The following TNPO3 variants were observed in gnomAD, a reference collection of about 807,000 sequenced individuals.
The protein encoded by TNPO3 is transportin 3, also known as transportin-3.
In TNPO3, 65 loss-of-function variants were observed where a neutral mutation model predicts 122.8. The observed-to-expected ratio is 0.53, with a 90% CI of 0.43 to 0.65. The LOEUF (loss-of-function observed/expected upper bound fraction) is 0.65, where lower values mean the gene tolerates loss of function less well. Ranked by LOEUF, TNPO3 falls within the 30% of genes least tolerant of loss-of-function variation. The pLI, the probability that TNPO3 is intolerant of heterozygous loss-of-function variation, is 0.00. For synonymous variants in TNPO3, 372 were observed against 411.2 expected (o/e 0.90, Z 1.15); for missense variants, 850 against 1,136.7 (o/e 0.75, Z 3.63).
At chr7:129,031,971 G>A (rs1322676178) in intron 1 of TNPO3, among the ~76,000 whole-genome samples, 1 of 152,132 alleles carries the variant, frequency 6.6e-6, no homozygotes, top group Non-Finnish European at 1.5e-5. Context: ...ACAGGCATGA[G>A]CCATCACGCC....
At position 128,974,874 on chromosome 7, in the gene TNPO3, G is replaced by A. The variant is rs1157844054; in HGVS notation, c.2267C>T (p.Ala756Val). 6.2e-7 allele frequency: 1 copy of A among 1,613,576 alleles called. No individual in the cohort carries two copies. The highest frequency in any genetic ancestry group is 8.5e-7 in the Non-Finnish European group (1 of 1,179,496). ...PDTVDDLFRL[A>V]TRFIQRSPVT... is the part of the protein sequence containing the mutation. ...GCTCTTCAGAAGGATTTACCTGGTG[G>A]CTAGCCGGAACAGGTCATCTACAGT... The change falls in exon 18 of 23, where the codon GCC becomes GTC. Residue 756 changes from alanine to valine, a missense_variant. Ala to Val is a moderately conservative substitution (Grantham distance 64). Transcript: ENST00000265388.
intron 20 of TNPO3, among the ~76,000 whole-genome samples, chr7:128,968,610 G>C (rs570588864): frequency 3.9e-5 from 6 of 152,076 alleles, no homozygotes; most frequent in Non-Finnish European, 5.9e-5. Flanking sequence ...TAATAGGCCA[G>C]AGCAAAAGTA....
Position 128,955,134 on chromosome 7 carries a change from G to T in TNPO3, c.*283C>A. On this transcript the variant is annotated 3_prime_UTR_variant, in exon 23 of 23. Coordinates refer to ENST00000265388, the MANE Select transcript of TNPO3 (RefSeq NM_012470.4). ...TTAAAATTATTTTTCCTTTTAGAAAGTTCACCAGGAAACCAGCTCCCCTCC... is the reference window on the plus strand; with the variant it reads ...TTAAAATTATTTTTCCTTTTAGAAATTTCACCAGGAAACCAGCTCCCCTCC... 2 of 298,552 alleles carry T rather than the reference G, an allele frequency of 6.7e-6. No individual in the cohort carries two copies. The highest frequency in any genetic ancestry group is 1.3e-5 in the Non-Finnish European group (2 of 151,126). The allele number at this position is 298,552 out of a possible 1,614,324, so 18.5% of individuals were successfully genotyped here.
chr7:128,958,346 T>C (rs1402148597), intron 21 of TNPO3, among the ~76,000 whole-genome samples: 1 of 152,096 alleles, frequency 6.6e-6, no homozygotes, highest in Non-Finnish European at 1.5e-5. Context: ...GGTTTCACCA[T>C]GTTGGCCAGG....
chr7:128,997,891 G>A (rs1301515866), intron 7 of TNPO3, among the ~76,000 whole-genome samples: 1 of 152,070 alleles, frequency 6.6e-6, no homozygotes, highest in Non-Finnish European at 1.5e-5. Flanking sequence ...CAGCTAGAGT[G>A]CAGTGGAATG....
Position 128,993,800 on chromosome 7 carries a change from G to A in TNPO3, c.1266+7C>T. ...TAAAACTGGAAACAATCTCCAAATA[G>A]GCTTACCTGAGCAAAACACTCCATA... On this transcript the variant is annotated splice_region_variant and intron_variant, in intron 9 of 22. Coordinates refer to ENST00000265388, the MANE Select transcript of TNPO3 (RefSeq NM_012470.4). The A allele has an allele frequency of 6.2e-7, 1 of 1,609,022 alleles. No individual in the cohort carries two copies. The highest frequency in any genetic ancestry group is 8.5e-7 in the Non-Finnish European group (1 of 1,177,208).
chr7:129,042,494 T>C (rs1200520851), intron 1 of TNPO3, among the ~76,000 whole-genome samples: 3 of 152,168 alleles, frequency 2.0e-5, no homozygotes, highest in Non-Finnish European at 4.4e-5. Flanking sequence ...AAAAATCATT[T>C]TCATGAGACG....
At chr7:129,022,505 G>A (rs1188071846) in intron 1 of TNPO3, among the ~76,000 whole-genome samples, 1 of 151,306 alleles carries the variant, frequency 6.6e-6, no homozygotes, top group African/African-American at 2.4e-5. Flanking sequence ...TTGGGGGGTA[G>A]GGGAGAAAGA....
chr7:129,026,102 G>A (rs1805127199), intron 1 of TNPO3, among the ~76,000 whole-genome samples: 1 of 150,046 alleles, frequency 6.7e-6, no homozygotes, highest in Non-Finnish European at 1.5e-5. Flanking sequence ...CTCCAGCCTG[G>A]GCGGCAGAGT....
intron 1 of TNPO3, among the ~76,000 whole-genome samples, chr7:129,027,879 G>A (rs1805444797): frequency 6.6e-6 from 1 of 152,100 alleles, no homozygotes; most frequent in Non-Finnish European, 1.5e-5. Context: ...CTTGAGTTGG[G>A]ACCCAGTGAA....
chr7:128,986,670 A>G, intron 12 of TNPO3, 59 bp downstream of exon 12: 1 of 1,471,864 alleles, frequency 6.8e-7, no homozygotes, highest in Non-Finnish European at 9.2e-7. Flanking sequence ...TGACAGATGT[A>G]AGATTACCCC....
intron 8 of TNPO3, among the ~76,000 whole-genome samples, chr7:128,996,173 T>A (rs1801294361): frequency 6.6e-6 from 1 of 152,096 alleles, no homozygotes; most frequent in Non-Finnish European, 1.5e-5. Context: ...TTACTGCAGG[T>A]CCTAGATTAA....
rs1391739330 is a variant in TNPO3, at chr7:128,967,285, G to A, written c.2706C>T (p.Val902=). ...GAACCCCCAGTATCACTCACCTAGT[G>A]ACTTGCTTGTGGAAGTCTGTAAGTT... ...HKQLTDFHKQ[V]TSAEECKQVC... The change falls in exon 21 of 23, where the codon GTC becomes GTT. Residue 902 remains valine (V), a synonymous_variant. Coordinates refer to ENST00000265388, the MANE Select transcript of TNPO3 (RefSeq NM_012470.4). 6.2e-7 allele frequency: 1 copy of A among 1,605,018 alleles called. No individual in the cohort carries two copies. The highest frequency in any genetic ancestry group is 8.5e-7 in the Non-Finnish European group (1 of 1,171,732).
chr7:129,054,076 A>T (rs79042498), intron 1 of TNPO3, among the ~76,000 whole-genome samples: 7,357 of 152,254 alleles, frequency 0.048, 595 homozygotes, highest in African/African-American at 0.17. Flanking sequence ...CTGAAAGCAG[A>T]ATTACTGTTT....
Position 129,047,221 on chromosome 7 carries a change from T to G in TNPO3, c.120+7430A>C, listed in dbSNP as rs17166954. ...TTGAGGTAATATCTAACCCAAAGAT[T>G]GTCTCTGTAAAAGTTATCTCCTACT... On this transcript the variant is annotated intron_variant, in intron 1 of 22. Transcript: ENST00000265388. 7.0e-3 allele frequency among the ~76,000 whole-genome samples: 1,064 copies of G among 152,330 alleles called. 11 individuals are homozygous for G. Among genetic ancestry groups the G allele is most frequent in the African/African-American group, 0.025 (1,020 of 41,572 alleles).
In TNPO3 at chr7:128,990,053, AG is replaced by A; in HGVS notation, c.1405del (p.Leu469SerfsTer20). The A allele has an allele frequency of 6.2e-7, 1 of 1,614,194 alleles. No homozygotes were observed. The highest frequency in any genetic ancestry group is 8.5e-7 in the Non-Finnish European group (1 of 1,180,022). On this transcript the variant is annotated frameshift_variant, in exon 11 of 23. Coordinates refer to ENST00000265388, the MANE Select transcript of TNPO3 (RefSeq NM_012470.4). LOFTEE classifies it high-confidence loss of function. ...LVEVLEGVVR[L>X]PETVHTAVRY... ...CACAGCCGTATGTACGGTCTCCGGG[AG>A]GCGGACAACTCCTTCTAGGACTTCC... is the stretch of plus-strand genomic sequence containing the variant.
rs150947522 is a variant in TNPO3 at position 128,981,403 on chromosome 7, C to A, written c.1859+845G>T. 2.2e-4 allele frequency among the ~76,000 whole-genome samples: 34 copies of A among 152,336 alleles called. No homozygotes were observed. The East Asian group carries it at 5.4e-3, about 24-fold the overall frequency. On this transcript the variant is annotated intron_variant, in intron 14 of 22. Transcript: ENST00000265388. ...TTAATCATTAGGCTCCTCCTCTTCA[C>A]TTCAAAGATGCATTAATTTCACCTG...
chr7:128,965,900 C>T (rs965418964), intron 21 of TNPO3, among the ~76,000 whole-genome samples: 1 of 152,018 alleles, frequency 6.6e-6, no homozygotes, highest in South Asian at 2.1e-4. Context: ...ACATTAAGTA[C>T]GAAGTTAATT....
intron 18 of TNPO3, among the ~76,000 whole-genome samples, chr7:128,973,019 T>C (rs1019107092): frequency 1.3e-5 from 2 of 152,106 alleles, no homozygotes; most frequent in Non-Finnish European, 2.9e-5. Flanking sequence ...AAAAGGACCA[T>C]ATCTTAAGAT....
Sources: gnomAD v4.1 joint callset for allele counts (sites outside exome capture counted in the v4.1 genomes callset) on GRCh38, gnomAD v4.1.1 for gene constraint, MANE v1.5 for transcripts, NCBI Gene and HGNC (gene_info 2026-07-23, HGNC 2026-07-21) for gene names.